TNR: variants seen among roughly 807,000 people sequenced by gnomAD.
TNR encodes the protein tenascin R.
Under a neutral mutation model 150.4 loss-of-function variants are expected in TNR, and 45 were observed. That is an observed-to-expected ratio of 0.30 (90% CI 0.24 to 0.38). The LOEUF is 0.38. TNR is among the 10% of genes least tolerant of loss of function. The probability of loss-of-function intolerance (pLI) is 1.00; values close to 1 mark genes in which losing one functional copy is unlikely to be tolerated. For synonymous variants in TNR, 687 were observed against 678.4 expected (o/e 1.01, Z -0.20); for missense variants, 1,544 against 1,759.1 (o/e 0.88, Z 2.19).
At chr1:175,436,686 T>A (rs1455605382) in intron 2 of TNR, among the ~76,000 whole-genome samples, 1 of 152,084 alleles carries the variant, frequency 6.6e-6, no homozygotes, top group Non-Finnish European at 1.5e-5. Flanking sequence ...TGGAGGAAGA[T>A]CTACCAAGCA....
chr1:175,688,610 G>T (rs1666268386), intron 1 of TNR, among the ~76,000 whole-genome samples: 1 of 152,246 alleles, frequency 6.6e-6, no homozygotes, highest in Non-Finnish European at 1.5e-5. Context: ...GGAAGGAAAT[G>T]AGGATGCAAT....
chr1:175,735,427 A>G (rs990517138), intron 1 of TNR, among the ~76,000 whole-genome samples: 1 of 152,224 alleles, frequency 6.6e-6, no homozygotes, highest in Non-Finnish European at 1.5e-5. Flanking sequence ...GTACTTACAC[A>G]GGACAAGCTG....
chr1:175,538,362 G>A, intron 1 of TNR, among the ~76,000 whole-genome samples: 1 of 152,204 alleles, frequency 6.6e-6, no homozygotes, highest in African/African-American at 2.4e-5. Context: ...AAAAAAGGTT[G>A]AAGATATTTT....
chr1:175,620,931 G>A (rs1229441044), intron 1 of TNR, among the ~76,000 whole-genome samples: 4 of 152,200 alleles, frequency 2.6e-5, no homozygotes, highest in Non-Finnish European at 4.4e-5. Context: ...CAGTTGGGCT[G>A]GCCCCTGACC....
chr1:175,525,784 T>C (rs1659825753), intron 2 of TNR, among the ~76,000 whole-genome samples: 1 of 152,202 alleles, frequency 6.6e-6, no homozygotes, highest in Non-Finnish European at 1.5e-5. Context: ...AGCAGCTACA[T>C]TTGTTAAGCA....
In TNR at chr1:175,522,263, C is replaced by T. The variant is rs550558732; in HGVS notation, c.-64+6006G>A. On this transcript the variant is annotated intron_variant, in intron 2 of 22. Coordinates refer to ENST00000367674, the MANE Select transcript of TNR (RefSeq NM_003285.3). ...GGGATTGTGTCTAAGAGTGAAAACT[C>T]GGGTACCACAGTAGATAGGGCTAAC... Among the ~76,000 whole-genome samples, 11 of 152,316 alleles carry T rather than the reference C, an allele frequency of 7.2e-5. 1 individual carries two copies. The East Asian group carries it at 1.9e-3, about 27-fold the overall frequency.
In TNR at chr1:175,403,291, T is replaced by C. The variant is rs768720653; in HGVS notation, c.825A>G (p.Arg275=). Residue 275 remains arginine (R), a synonymous_variant, in exon 4 of 23, where the codon AGA becomes AGG. Coordinates refer to ENST00000367674, the MANE Select transcript of TNR (RefSeq NM_003285.3). ...CGCATAAACAGGTACCGTTGGCACA[T>C]CTCCCCTTCCCCGAACAGTCCCCAG... The part of the protein sequence containing the change: ...RCPGDCSGKG[R]CANGTCLCEE... The C allele has an allele frequency of 5.6e-6, 9 of 1,613,852 alleles. No individual in the cohort carries two copies. Among genetic ancestry groups the C allele is most frequent in the Non-Finnish European group, 7.6e-6 (9 of 1,180,004 alleles).
rs541334961 is a variant in TNR, at chr1:175,664,267, G to A, written c.-165+78959C>T. Among the ~76,000 whole-genome samples, 12 of 152,380 alleles carry A rather than the reference G, an allele frequency of 7.9e-5. No individual in the cohort carries two copies. In the East Asian group the frequency reaches 2.3e-3, roughly 29 times the overall value. ...CATGCGGGACCTGGGAGAATAGGAT[G>A]ACCTGGTTATCTTCCCCAGCTGGGA... is the stretch of plus-strand genomic sequence containing the variant. On this transcript the variant is annotated intron_variant, in intron 1 of 22. Transcript: ENST00000367674.
chr1:175,520,754 C>G (rs1659606049), intron 2 of TNR, among the ~76,000 whole-genome samples: 1 of 152,054 alleles, frequency 6.6e-6, no homozygotes. Context: ...CCTCATTAGC[C>G]ATCCACGTTC....
At chr1:175,699,625 G>C (rs1415715036) in intron 1 of TNR, among the ~76,000 whole-genome samples, 2 of 152,122 alleles carry the variant, frequency 1.3e-5, no homozygotes, top group Admixed American at 1.3e-4. Flanking sequence ...TCCATGGGCT[G>C]TCTATTTTGG....
intron 2 of TNR, among the ~76,000 whole-genome samples, chr1:175,470,942 T>G (rs1425004177): frequency 6.6e-6 from 1 of 152,200 alleles, no homozygotes; most frequent in Non-Finnish European, 1.5e-5. Flanking sequence ...TGCCACCAAA[T>G]GTAGCAGAGA....
In TNR at chr1:175,386,066, G is replaced by A. The variant is rs758748473; in HGVS notation, c.1743C>T (p.Asn581=). ...EVSVSAVRGT[N]ESDSATTQFT... ...ACTGAGTGGTGGCAGAATCGCTCTCGTTGGTCCCTCGGACGGCACTGACTG... is the reference window on the plus strand; with the variant it reads ...ACTGAGTGGTGGCAGAATCGCTCTCATTGGTCCCTCGGACGGCACTGACTG... Residue 581 remains asparagine (N), a synonymous_variant, in exon 8 of 23, where the codon AAC becomes AAT. Transcript: ENST00000367674. The A allele has an allele frequency of 2.3e-5, 37 of 1,605,768 alleles. 1 individual carries two copies. Among genetic ancestry groups the A allele is most frequent in the South Asian group, 3.3e-5 (3 of 90,670 alleles).
At chr1:175,363,605 A>T in intron 13 of TNR, 103 bp downstream of exon 13, 3 of 1,453,012 alleles carry the variant, frequency 2.1e-6, no homozygotes, top group South Asian at 2.7e-5. Context: ...CACAGAGAAG[A>T]GGAAAAACGC....
intron 19 of TNR, among the ~76,000 whole-genome samples, chr1:175,337,278 C>CT (rs1410226923): frequency 1.3e-5 from 2 of 152,226 alleles, no homozygotes; most frequent in Non-Finnish European, 2.9e-5. Flanking sequence ...CCCCAGCACT[C>CT]TCCTGCTTAA....
At chr1:175,601,252 A>G (rs540674953) in intron 1 of TNR, among the ~76,000 whole-genome samples, 1 of 152,352 alleles carries the variant, frequency 6.6e-6, no homozygotes, top group East Asian at 1.9e-4. Flanking sequence ...GGGTAAGGTC[A>G]CTTGGCCAGT....
At chr1:175,397,762 T>C (rs1485749982) in intron 4 of TNR, among the ~76,000 whole-genome samples, 1 of 152,262 alleles carries the variant, frequency 6.6e-6, no homozygotes, top group East Asian at 1.9e-4. Context: ...TTCTGATTTC[T>C]CAAATGCTAC....
At chr1:175,509,601 C>T (rs2102157739) in intron 2 of TNR, among the ~76,000 whole-genome samples, 1 of 152,272 alleles carries the variant, frequency 6.6e-6, no homozygotes, top group Admixed American at 6.5e-5. Context: ...TGATGCTTGA[C>T]ACTAGTGTTG....
At chr1:175,331,078 C>CTTCTTTCTTTCTTTCTTTCT (rs1434211485) in intron 20 of TNR, among the ~76,000 whole-genome samples, 26 of 59,938 alleles carry the variant, frequency 4.3e-4, no homozygotes, top group African/African-American at 1.4e-3. Context: ...TCTTTCTTTC[C>CTTCTTTCTTTCTTTCTTTCT]TTCTTTCTTT....
chr1:175,664,117 G>C (rs1047854760), intron 1 of TNR, among the ~76,000 whole-genome samples: 1 of 152,216 alleles, frequency 6.6e-6, no homozygotes, highest in Non-Finnish European at 1.5e-5. Context: ...AAAGGGGCCC[G>C]TCTAACCCTC....
Sources: allele counts gnomAD v4.1 joint callset (sites outside exome capture counted in the v4.1 genomes callset), GRCh38; gene constraint gnomAD v4.1.1; transcripts MANE v1.5; gene names NCBI Gene and HGNC (gene_info 2026-07-23, HGNC 2026-07-21).